KCNN1: variants seen among roughly 807,000 people sequenced by gnomAD.
KCNN1 encodes the protein small conductance calcium-activated potassium channel protein 1.
A neutral mutation model predicts 44.7 loss-of-function variants in KCNN1; 20 were observed. The observed-to-expected ratio is 0.45, with a 90% CI of 0.32 to 0.65. The LOEUF (loss-of-function observed/expected upper bound fraction) is 0.65. Among genes scored for constraint, KCNN1 ranks in the 30% least tolerant of loss-of-function variants. The pLI, the probability that KCNN1 is intolerant of heterozygous loss-of-function variation, is 0.05. For missense variants in KCNN1, 632 were observed against 785.3 expected, an observed-to-expected ratio of 0.80 and a Z score of 2.33; for synonymous variants, 324 against 341.7, an observed-to-expected ratio of 0.95 and a Z score of 0.57.
chr19:17,985,241 CA>C, intron 4 of KCNN1, 70 bp from the exon 5 acceptor site: 2 of 1,443,118 alleles, frequency 1.4e-6, no homozygotes, highest in Non-Finnish European at 9.2e-7. Flanking sequence ...GGCGCTGCCC[CA>C]GGGGGTGTGA....
chr19:17,974,409 C>T lies in KCNN1; in HGVS notation c.402+119C>T, dbSNP rs1379259678. 22 of 1,176,338 alleles carry T rather than the reference C, an allele frequency of 1.9e-5. No homozygotes were observed. The highest frequency in any genetic ancestry group is 3.1e-5 in the Admixed American group (1 of 32,484). The allele number at this position is 1,176,338 out of a possible 1,614,324, so 72.9% of individuals were successfully genotyped here. On this transcript the variant is annotated intron_variant, in intron 2 of 9. Transcript: ENST00000684775. This position sits in a 1 kb window ranked among gnomAD's most constrained non-coding sequence, Gnocchi z 7.3. ...GAGATAGGGAGTGTTAGGGGGCTCC[C>T]GGAGGTGAGGGCTCCCTGGCCTTCT...
chr19:17,984,288 T>C (rs1473053344), intron 4 of KCNN1, among the ~76,000 whole-genome samples: 1 of 152,172 alleles, frequency 6.6e-6, no homozygotes, highest in Non-Finnish European at 1.5e-5. Flanking sequence ...ATGCCAATAT[T>C]TGGGGAGCCC....
Position 17,967,147 on chromosome 19 carries a change from G to A in KCNN1, c.-252G>A. The A allele has an allele frequency of 1.0e-6, 1 of 969,562 alleles. No homozygotes were observed. Among genetic ancestry groups the A allele is most frequent in the Non-Finnish European group, 1.2e-6 (1 of 817,838 alleles). The allele number at this position is 969,562 out of a possible 1,614,324, so 60.1% of individuals were successfully genotyped here. On this transcript the variant is annotated 5_prime_UTR_variant, in exon 1 of 10. Coordinates refer to ENST00000684775, the MANE Select transcript of KCNN1 (RefSeq NM_001386974.1). ...GCCGGGCCCGTGGACTGGGCGGCGG[G>A]GGATGCGCCTGCCGCCGCCGCCCCC...
At chr19:17,984,761 G>A (rs914100970) in intron 4 of KCNN1, among the ~76,000 whole-genome samples, 3 of 152,116 alleles carry the variant, frequency 2.0e-5, no homozygotes, top group Non-Finnish European at 4.4e-5. Context: ...TCTCCCCAGT[G>A]CCAAAGCCGA....
Position 17,975,453 on chromosome 19 carries a change from G to A in KCNN1, c.498+266G>A, listed in dbSNP as rs555618347. Among the ~76,000 whole-genome samples, 182 of 152,254 alleles carry A rather than the reference G, an allele frequency of 1.2e-3. 1 individual carries two copies. The highest frequency in any genetic ancestry group is 3.4e-3 in the Middle Eastern group (1 of 294). On this transcript the variant is annotated intron_variant, in intron 3 of 9. Coordinates refer to ENST00000684775, the MANE Select transcript of KCNN1 (RefSeq NM_001386974.1). Reference sequence around the variant, plus strand: ...GCTGAGCTGGGACTCTGGGACACACGGGTTGTTTCCAGGCTGGAGTGCAGT... The same window carrying A: ...GCTGAGCTGGGACTCTGGGACACACAGGTTGTTTCCAGGCTGGAGTGCAGT...
At chr19:17,970,268 C>T (rs1325519390) in intron 1 of KCNN1, among the ~76,000 whole-genome samples, 5 of 125,220 alleles carry the variant, frequency 4.0e-5, no homozygotes, top group African/African-American at 1.5e-4. Flanking sequence ...CTCATGAGGT[C>T]ACCTGACCAT....
In KCNN1 at chr19:17,981,872, T is replaced by C. The variant is rs1257392596; in HGVS notation, c.662T>C (p.Val221Ala). The change falls in exon 4 of 10, where the codon GTG becomes GCG. Residue 221 changes from valine to alanine, a missense_variant. Transcript: ENST00000684775. ...ARLAFTYAPS[V>A]AEADVDVLLS... ...CTGGCCTTCACGTACGCGCCCTCGG[T>C]GGCCGAGGCCGACGTGGACGTGCTG... 7 of 1,612,422 alleles carry C rather than the reference T, an allele frequency of 4.3e-6. No homozygotes were observed. Among genetic ancestry groups the C allele is most frequent in the Non-Finnish European group, 5.9e-6 (7 of 1,179,090 alleles).
At position 17,993,717 on chromosome 19, in the gene KCNN1, T is replaced by G. The variant is rs959661463; in HGVS notation, c.1377+158T>G. On this transcript the variant is annotated intron_variant, in intron 9 of 9. Transcript: ENST00000684775. The surrounding 1 kb of genome is among the most constrained non-coding windows in gnomAD (Gnocchi z 4.5). The stretch of plus-strand genomic sequence containing the variant: ...TGAGCTCAGGAGTTTGAGACCAGCC[T>G]GGGCAACATGGTGAAATCCCGTCTC... Among the ~76,000 whole-genome samples, 5 of 151,934 alleles carry G rather than the reference T, an allele frequency of 3.3e-5. No homozygotes were observed. Among genetic ancestry groups the G allele is most frequent in the African/African-American group, 1.2e-4 (5 of 41,344 alleles).
intron 7 of KCNN1, among the ~76,000 whole-genome samples, chr19:17,992,799 G>A (rs942978059): frequency 5.3e-5 from 8 of 152,128 alleles, no homozygotes; most frequent in African/African-American, 1.9e-4. Context: ...AGATGGTGTC[G>A]GCATAGTTTT....
chr19:17,967,278 C>T lies in KCNN1; in HGVS notation c.-121C>T, dbSNP rs934019885. Reference sequence around the variant, plus strand: ...GTCCGCGGCCGCGCGGGACCCTCTCCCCTCCAGCCTTGTCCGCCCGCTCGG... The same window carrying T: ...GTCCGCGGCCGCGCGGGACCCTCTCTCCTCCAGCCTTGTCCGCCCGCTCGG... On this transcript the variant is annotated 5_prime_UTR_variant, in exon 1 of 10. Coordinates refer to ENST00000684775, the MANE Select transcript of KCNN1 (RefSeq NM_001386974.1). 1.4e-4 allele frequency: 140 copies of T among 985,368 alleles called. No individual in the cohort carries two copies. The highest frequency in any genetic ancestry group is 1.6e-4 in the Non-Finnish European group (132 of 829,846). The allele number at this position is 985,368 out of a possible 1,614,324, so 61.0% of individuals were successfully genotyped here. A position where few individuals can be genotyped will look rare whatever the true frequency, so the allele number is the denominator to read the frequency against.
intron 2 of KCNN1, among the ~76,000 whole-genome samples, chr19:17,959,449 G>A (rs1446506801): frequency 4.6e-5 from 7 of 151,906 alleles, no homozygotes; most frequent in Non-Finnish European, 8.8e-5. Context: ...ATAGAGACGG[G>A]GTTTCACCAT....
chr19:17,988,509 C>G lies in KCNN1; in HGVS notation c.1154C>G (p.Thr385Ser). 6.2e-7 allele frequency: 1 copy of G among 1,613,644 alleles called. No individual in the cohort carries two copies. The highest frequency in any genetic ancestry group is 1.1e-5 in the South Asian group (1 of 91,046). ...CACGTGCACAACTTCATGATGGACA[C>G]TCAGCTCACCAAGCGGGTGAGGACC... is the stretch of plus-strand genomic sequence containing the variant. ...EKHVHNFMMD[T>S]QLTKRVKNAA... The change falls in exon 6 of 10, where the codon ACT (threonine) becomes AGT (serine). Residue 385 changes from threonine to serine, a missense_variant. This residue lies in a region of KCNN1 where 237 missense variants were observed against 253.0 expected (regional missense o/e 0.94). Transcript: ENST00000684775.
intron 3 of KCNN1, 62 bp downstream of exon 3, chr19:17,975,249 G>A: frequency 1.6e-6 from 2 of 1,213,318 alleles, no homozygotes; most frequent in South Asian, 1.2e-5. Flanking sequence ...CCCCACACCA[G>A]CCCACCTTAG....
At chr19:17,978,654 T>C (rs2145936836) in intron 3 of KCNN1, among the ~76,000 whole-genome samples, 1 of 151,274 alleles carries the variant, frequency 6.6e-6, no homozygotes, top group African/African-American at 2.4e-5. Context: ...GATTTTCCTA[T>C]GTTGCCCAGG....
intron 2 of KCNN1, among the ~76,000 whole-genome samples, chr19:17,956,791 T>A (rs1437668505): frequency 6.6e-6 from 1 of 151,862 alleles, no homozygotes; most frequent in Admixed American, 6.6e-5. Flanking sequence ...TGGTGGCTCA[T>A]GCCTGTAATC....
intron 1 of KCNN1, among the ~76,000 whole-genome samples, chr19:17,953,984 G>A (rs772827420): frequency 4.6e-5 from 7 of 152,126 alleles, no homozygotes; most frequent in Non-Finnish European, 8.8e-5. Flanking sequence ...ATGTGAGGGG[G>A]TGAGCAGGAA....
chr19:17,966,478 G>A (rs1334646731), upstream of KCNN1, among the ~76,000 whole-genome samples: 1 of 152,220 alleles, frequency 6.6e-6, no homozygotes, highest in East Asian at 1.9e-4. Context: ...CAGCCCTGGT[G>A]ATCCCAAACT....
chr19:17,965,182 C>T (rs1475911088), upstream of KCNN1, among the ~76,000 whole-genome samples: 1 of 151,712 alleles, frequency 6.6e-6, no homozygotes, highest in African/African-American at 2.4e-5. Flanking sequence ...ATGAGAATTG[C>T]TTGAACCCAG....
At chr19:17,990,681 T>A (rs1164248194) in intron 7 of KCNN1, among the ~76,000 whole-genome samples, 1 of 150,346 alleles carries the variant, frequency 6.7e-6, no homozygotes, top group African/African-American at 2.5e-5. Flanking sequence ...ACGCCTGTAG[T>A]CCCAGCTACT....
Sources: allele counts gnomAD v4.1 joint callset (sites outside exome capture counted in the v4.1 genomes callset), GRCh38; gene constraint gnomAD v4.1.1; regional missense constraint gnomAD v4.1.1; non-coding constraint Gnocchi (gnomAD v3.1); transcripts MANE v1.5; gene names NCBI Gene and HGNC (gene_info 2026-07-23, HGNC 2026-07-21).